ARL8A: variants seen among roughly 807,000 people sequenced by gnomAD.
ARL8A encodes ARF like GTPase 8A.
In ARL8A, 10 loss-of-function variants were observed where a neutral mutation model predicts 31.2. The observed-to-expected ratio is 0.32, with a 90% CI of 0.20 to 0.54. The LOEUF (loss-of-function observed/expected upper bound fraction) is 0.54, where lower values mean the gene tolerates loss of function less well. Among genes scored for constraint, ARL8A ranks in the 20% least tolerant of loss-of-function variants. The pLI is 0.93. For synonymous variants in ARL8A, 70 were observed against 86.9 expected (o/e 0.81, Z 1.08); for missense variants, 129 against 242.8 (o/e 0.53, Z 3.12).
intron 3 of ARL8A, 62 bp downstream of exon 3, chr1:202,137,903 A>C: frequency 1.9e-6 from 3 of 1,581,024 alleles, no homozygotes; most frequent in Non-Finnish European, 2.6e-6. Flanking sequence ...AGGTCCTCGA[A>C]GGTAGCAGGG....
At position 202,135,553 on chromosome 1, in the gene ARL8A, G is replaced by A. The variant is rs1654982875; in HGVS notation, c.373-27C>T. On this transcript the variant is annotated intron_variant, in intron 4 of 6. Coordinates refer to ENST00000272217, the MANE Select transcript of ARL8A (RefSeq NM_138795.4). The surrounding 1 kb of genome is among the most constrained non-coding windows in gnomAD (Gnocchi z 5.3). Reference sequence around the variant, plus strand: ...TACGGAGAAGGGAGGGTGAGGATGAGGTCTAGGGCAGCCGTGCCCAGGTTG... The same window carrying A: ...TACGGAGAAGGGAGGGTGAGGATGAAGTCTAGGGCAGCCGTGCCCAGGTTG... 2 of 1,612,804 alleles carry A rather than the reference G, an allele frequency of 1.2e-6. No individual in the cohort carries two copies. Among genetic ancestry groups the A allele is most frequent in the East Asian group, 2.2e-5 (1 of 44,870 alleles).
intron 3 of ARL8A, among the ~76,000 whole-genome samples, 174 bp downstream of exon 3, chr1:202,137,791 T>C (rs1387621882): frequency 6.6e-6 from 1 of 152,156 alleles, no homozygotes; most frequent in Admixed American, 6.6e-5. Flanking sequence ...GCCCAGGGCA[T>C]TTATCCAATA....
chr1:202,144,653 C>T lies in ARL8A; in HGVS notation c.-81G>A. On this transcript the variant is annotated 5_prime_UTR_variant, in exon 1 of 7. Transcript: ENST00000272217. The surrounding 1 kb of genome is among the most constrained non-coding windows in gnomAD (Gnocchi z 5.2). ...CGCGCTGCGGCCCGGAGCGGCCCCT[C>T]CCCGGTACGGCCCGGGTCCCGCGGC... is the stretch of plus-strand genomic sequence containing the variant. 14 of 1,159,586 alleles carry T rather than the reference C, an allele frequency of 1.2e-5. No individual in the cohort carries two copies. Among genetic ancestry groups the T allele is most frequent in the Non-Finnish European group, 1.5e-5 (14 of 937,220 alleles). The allele number at this position is 1,159,586 out of a possible 1,614,324, so 71.8% of individuals were successfully genotyped here. A position where few individuals can be genotyped will look rare whatever the true frequency, so the allele number is the denominator to read the frequency against.
At chr1:202,136,338 G>A (rs1270299285) in intron 3 of ARL8A, among the ~76,000 whole-genome samples, 2 of 152,154 alleles carry the variant, frequency 1.3e-5, no homozygotes, top group African/African-American at 4.8e-5. Context: ...GGAGTGCAGT[G>A]GTGCAATCTC....
rs746253378 is a variant in ARL8A, at chr1:202,138,324, CACAA to C, written c.204+40_204+43del. 1.2e-4 allele frequency: 158 copies of C among 1,321,080 alleles called. No homozygotes were observed. Among genetic ancestry groups the C allele is most frequent in the African/African-American group, 8.8e-4 (55 of 62,394 alleles). The allele number at this position is 1,321,080 out of a possible 1,614,324, so 81.8% of individuals were successfully genotyped here. A position where few individuals can be genotyped will look rare whatever the true frequency, so the allele number is the denominator to read the frequency against. On this transcript the variant is annotated intron_variant, in intron 2 of 6. Transcript: ENST00000272217. This position sits in a 1 kb window ranked among gnomAD's most constrained non-coding sequence, Gnocchi z 4.4. ...ACACACACACACACACACACACACACACAAAAACAGTCCTCTGCACCCCCCAAGC... is the reference window on the plus strand; with the variant it reads ...ACACACACACACACACACACACACACAAACAGTCCTCTGCACCCCCCAAGC...
chr1:202,140,504 G>T (rs547449696), intron 1 of ARL8A, among the ~76,000 whole-genome samples: 11 of 152,106 alleles, frequency 7.2e-5, no homozygotes, highest in Non-Finnish European at 1.5e-4. Context: ...TAAGAACTGA[G>T]TACCCAGGAC....
Position 202,135,638 on chromosome 1 carries a change from G to A in ARL8A, c.372+69C>T. The A allele has an allele frequency of 6.3e-7, 1 of 1,578,470 alleles. No individual in the cohort carries two copies. The highest frequency in any genetic ancestry group is 8.7e-7 in the Non-Finnish European group (1 of 1,148,370). Reference sequence around the variant, plus strand: ...CCTCTCTGCGCCCCTACCATGCCTGGCTTTTACCTGCTCCCAGTGACTTCC... The same window carrying A: ...CCTCTCTGCGCCCCTACCATGCCTGACTTTTACCTGCTCCCAGTGACTTCC... On this transcript the variant is annotated intron_variant, in intron 4 of 6. Transcript: ENST00000272217. The surrounding 1 kb of genome is among the most constrained non-coding windows in gnomAD (Gnocchi z 5.3).
rs1351215482 is a variant in ARL8A, at chr1:202,137,957, G to A, written c.278+8C>T. On this transcript the variant is annotated splice_region_variant and intron_variant, in intron 3 of 6. Transcript: ENST00000272217. ...GCTGGAGTCTGGCGATGCCTCCCGTGTACTTACACGATGGCGCTCACTCCT... is the reference window on the plus strand; with the variant it reads ...GCTGGAGTCTGGCGATGCCTCCCGTATACTTACACGATGGCGCTCACTCCT... The A allele has an allele frequency of 4.3e-6, 7 of 1,613,948 alleles. No homozygotes were observed. In the Admixed American group the frequency reaches 5.0e-5, roughly 12 times the overall value.
At position 202,138,858 on chromosome 1, in the gene ARL8A, T is replaced by C. The variant is rs1655088289; in HGVS notation, c.124-410A>G. 1.3e-5 allele frequency among the ~76,000 whole-genome samples: 2 copies of C among 152,196 alleles called. No homozygotes were observed. The highest frequency in any genetic ancestry group is 2.9e-5 in the Non-Finnish European group (2 of 68,026). ...GGATCTCAAAGAAAGCAGATGAATT[T>C]TCAAACTAAAAAATCAAACTTTTTA... On this transcript the variant is annotated intron_variant, in intron 1 of 6. Transcript: ENST00000272217. The surrounding 1 kb of genome is among the most constrained non-coding windows in gnomAD (Gnocchi z 4.4).
At chr1:202,142,027 C>G (rs1465635538) in intron 1 of ARL8A, among the ~76,000 whole-genome samples, 1 of 152,130 alleles carries the variant, frequency 6.6e-6, no homozygotes, top group Non-Finnish European at 1.5e-5. Flanking sequence ...ACCACCATGC[C>G]TGGCTAATTT....
In ARL8A at chr1:202,133,593, C is replaced by T. The variant is rs1331419093; in HGVS notation, c.*874G>A. 1.3e-5 allele frequency: 2 copies of T among 152,198 alleles called. No homozygotes were observed. Among genetic ancestry groups the T allele is most frequent in the African/African-American group, 2.4e-5 (1 of 41,430 alleles). 9.4% of individuals were successfully genotyped at this position (152,198 alleles called of 1,614,324 possible). A position where few individuals can be genotyped will look rare whatever the true frequency, so the allele number is the denominator to read the frequency against. Reference sequence around the variant, plus strand: ...AAACAAACAGAACCCAAAGAACCAACCCCCCATGCTGAGTTCTCTCCTTGT... The same window carrying T: ...AAACAAACAGAACCCAAAGAACCAATCCCCCATGCTGAGTTCTCTCCTTGT... On this transcript the variant is annotated 3_prime_UTR_variant, in exon 7 of 7. Transcript: ENST00000272217.
chr1:202,144,176 C>G lies in ARL8A; in HGVS notation c.123+274G>C, dbSNP rs1290662428. Among the ~76,000 whole-genome samples the G allele has an allele frequency of 1.3e-5, 2 of 152,102 alleles. No homozygotes were observed. The highest frequency in any genetic ancestry group is 4.8e-5 in the African/African-American group (2 of 41,454). ...GAGAGCCCCTCGGTGCCGCCTGCCC[C>G]GTGGCACCGGCCCTGTCTGTTCGTC... On this transcript the variant is annotated intron_variant, in intron 1 of 6. Transcript: ENST00000272217. This position sits in a 1 kb window ranked among gnomAD's most constrained non-coding sequence, Gnocchi z 5.2.
chr1:202,140,387 C>A (rs1215858354), intron 1 of ARL8A, among the ~76,000 whole-genome samples: 1 of 151,466 alleles, frequency 6.6e-6, no homozygotes, highest in Non-Finnish European at 1.5e-5. Flanking sequence ...GTGATCCGCC[C>A]ACCTCGGCCT....
intron 3 of ARL8A, among the ~76,000 whole-genome samples, chr1:202,136,232 T>A (rs1356445238): frequency 6.6e-6 from 1 of 152,226 alleles, no homozygotes; most frequent in Non-Finnish European, 1.5e-5. Context: ...TTGTGTATTC[T>A]AAACAATCTA....
In ARL8A at chr1:202,135,104, T is replaced by A; in HGVS notation, c.511+46A>T. ...GAGAACCTGAGAGCCACTAAAACAC[T>A]CAGAAATGCCTCTCCCCTCTCCTCC... is the stretch of plus-strand genomic sequence containing the variant. On this transcript the variant is annotated intron_variant, in intron 6 of 6. Coordinates refer to ENST00000272217, the MANE Select transcript of ARL8A (RefSeq NM_138795.4). This position sits in a 1 kb window ranked among gnomAD's most constrained non-coding sequence, Gnocchi z 5.3. 2.6e-6 allele frequency: 4 copies of A among 1,565,066 alleles called. No homozygotes were observed. Among genetic ancestry groups the A allele is most frequent in the Non-Finnish European group, 2.6e-6 (3 of 1,135,730 alleles).
chr1:202,144,592 GC>G lies in ARL8A; in HGVS notation c.-21del. 1 of 1,400,172 alleles carries G rather than the reference GC, an allele frequency of 7.1e-7. No homozygotes were observed. Among genetic ancestry groups the G allele is most frequent in the Non-Finnish European group, 9.5e-7 (1 of 1,054,238 alleles). 86.7% of individuals were successfully genotyped at this position (1,400,172 alleles called of 1,614,324 possible). ...GATCATGGTCGCTGCCGCCGGCCCC[GC>G]CCGGTGCCAGGTCCCCGCCGCCCCT... On this transcript the variant is annotated 5_prime_UTR_variant, in exon 1 of 7. Coordinates refer to ENST00000272217, the MANE Select transcript of ARL8A (RefSeq NM_138795.4). This position sits in a 1 kb window ranked among gnomAD's most constrained non-coding sequence, Gnocchi z 5.2.
At chr1:202,142,302 G>A (rs190765579) in intron 1 of ARL8A, among the ~76,000 whole-genome samples, 14 of 152,352 alleles carry the variant, frequency 9.2e-5, no homozygotes, top group East Asian at 3.9e-4. Context: ...ACCCAATGGC[G>A]AAAGATCTGA....
Position 202,138,156 on chromosome 1 carries a change from C to A in ARL8A, c.205-118G>T. ...CTCCTCTGCCTCCCCGGCTTCCTCT[C>A]CAGTTCTCCCCCGTCTCCACCCGCT... On this transcript the variant is annotated intron_variant, in intron 2 of 6. Transcript: ENST00000272217. This position sits in a 1 kb window ranked among gnomAD's most constrained non-coding sequence, Gnocchi z 4.4. The A allele has an allele frequency of 8.0e-7, 1 of 1,254,298 alleles. No individual in the cohort carries two copies. The highest frequency in any genetic ancestry group is 1.1e-6 in the Non-Finnish European group (1 of 879,286). The allele number at this position is 1,254,298 out of a possible 1,614,324, so 77.7% of individuals were successfully genotyped here.
chr1:202,141,160 A>G (rs1655156435), intron 1 of ARL8A, among the ~76,000 whole-genome samples: 1 of 152,126 alleles, frequency 6.6e-6, no homozygotes, highest in Admixed American at 6.5e-5. Context: ...TCAGCTGTGA[A>G]TCGGAGCTAA....
Sources: allele counts gnomAD v4.1 joint callset (sites outside exome capture counted in the v4.1 genomes callset), GRCh38; gene constraint gnomAD v4.1.1; non-coding constraint Gnocchi (gnomAD v3.1); transcripts MANE v1.5; gene names NCBI Gene and HGNC (gene_info 2026-07-23, HGNC 2026-07-21).